The following SGCZ variants were observed in gnomAD, a reference collection of about 807,000 sequenced individuals.
SGCZ encodes zeta-sarcoglycan.
A neutral mutation model predicts 41.3 loss-of-function variants in SGCZ; 40 were observed. That is an observed-to-expected ratio of 0.97 (90% CI 0.75 to 1.26). The LOEUF (loss-of-function observed/expected upper bound fraction) is 1.26. SGCZ is among the 50% of genes most tolerant of loss of function. SGCZ has a pLI of 0.00. For synonymous variants in SGCZ, 206 were observed against 137.5 expected (o/e 1.50, Z -3.49); for missense variants, 552 against 369.8 (o/e 1.49, Z -4.04).
intron 4 of SGCZ, among the ~76,000 whole-genome samples, chr8:14,166,380 A>ATCTT (rs1200184826): frequency 6.6e-6 from 1 of 152,138 alleles, no homozygotes; most frequent in Non-Finnish European, 1.5e-5. Context: ...TCATAGTCTA[A>ATCTT]TCTTATTTTG....
intron 2 of SGCZ, among the ~76,000 whole-genome samples, chr8:14,382,823 G>C (rs1252195326): frequency 6.6e-6 from 1 of 152,154 alleles, no homozygotes; most frequent in African/African-American, 2.4e-5. Flanking sequence ...AGTGGTCTTT[G>C]TCAGAGAACA....
chr8:15,146,830 T>C (rs1799049606), intron 1 of SGCZ, among the ~76,000 whole-genome samples: 1 of 152,176 alleles, frequency 6.6e-6, no homozygotes, highest in Non-Finnish European at 1.5e-5. Context: ...TTTATTAGCA[T>C]CCTAATAAAG....
At chr8:14,653,480 C>G (rs925092274) in intron 1 of SGCZ, among the ~76,000 whole-genome samples, 3 of 152,028 alleles carry the variant, frequency 2.0e-5, no homozygotes, top group African/African-American at 7.3e-5. Context: ...TCAATACACA[C>G]CAAGTCTCAC....
intron 1 of SGCZ, among the ~76,000 whole-genome samples, chr8:15,131,865 C>T (rs1455338999): frequency 2.6e-5 from 4 of 152,114 alleles, no homozygotes; most frequent in Non-Finnish European, 5.9e-5. Flanking sequence ...TGTTTCTCAG[C>T]CTGAAAGGTC....
intron 5 of SGCZ, among the ~76,000 whole-genome samples, chr8:14,161,028 T>C (rs1804029092): frequency 6.6e-6 from 1 of 152,232 alleles, no homozygotes; most frequent in Admixed American, 6.5e-5. Context: ...TTTGAAATTC[T>C]AGAATAAACT....
chr8:15,082,903 T>C (rs1563493117), intron 1 of SGCZ, among the ~76,000 whole-genome samples: 1 of 152,130 alleles, frequency 6.6e-6, no homozygotes, highest in Non-Finnish European at 1.5e-5. Flanking sequence ...AAGGTTCACT[T>C]AGACAGTATT....
intron 1 of SGCZ, among the ~76,000 whole-genome samples, chr8:14,897,580 C>T (rs1805248960): frequency 1.3e-5 from 2 of 152,126 alleles, no homozygotes; most frequent in South Asian, 2.1e-4. Flanking sequence ...AGTGTCAGTG[C>T]CTTTTCTATT....
At chr8:14,577,323 A>T (rs532962146) in intron 1 of SGCZ, among the ~76,000 whole-genome samples, 1 of 151,912 alleles carries the variant, frequency 6.6e-6, no homozygotes, top group African/African-American at 2.4e-5. Flanking sequence ...GATCTTCAAC[A>T]TTATCAAATG....
Position 14,744,552 on chromosome 8 carries a change from C to T in SGCZ, c.40-189626G>A, listed in dbSNP as rs567756368. ...TTATTTAGAAATAAAATCAGTATCTCTGTGGAAGGCTTGTTGGATGGAGAA... is the reference window on the plus strand; with the variant it reads ...TTATTTAGAAATAAAATCAGTATCTTTGTGGAAGGCTTGTTGGATGGAGAA... On this transcript the variant is annotated intron_variant, in intron 1 of 7. Coordinates refer to ENST00000382080, the MANE Select transcript of SGCZ (RefSeq NM_139167.4). Among the ~76,000 whole-genome samples, 4 of 152,212 alleles carry T rather than the reference C, an allele frequency of 2.6e-5. No individual in the cohort carries two copies. The South Asian group carries it at 8.3e-4, about 32-fold the overall frequency.
At chr8:14,695,234 C>T (rs1480301402) in intron 1 of SGCZ, among the ~76,000 whole-genome samples, 2 of 152,012 alleles carry the variant, frequency 1.3e-5, no homozygotes, top group Non-Finnish European at 2.9e-5. Flanking sequence ...GCCATCACAA[C>T]TTATGTATAA....
chr8:15,055,568 G>C (rs1804674653), intron 1 of SGCZ, among the ~76,000 whole-genome samples: 1 of 152,132 alleles, frequency 6.6e-6, no homozygotes, highest in African/African-American at 2.4e-5. Flanking sequence ...CCATTTCCAG[G>C]CAACAGTATG....
intron 1 of SGCZ, among the ~76,000 whole-genome samples, chr8:15,191,557 T>C (rs1418775490): frequency 6.6e-6 from 1 of 151,530 alleles, no homozygotes; most frequent in Non-Finnish European, 1.5e-5. Context: ...AAATAACATA[T>C]CTCCACTAAT....
chr8:15,204,734 T>G (rs1489919792), intron 1 of SGCZ, among the ~76,000 whole-genome samples: 2 of 152,158 alleles, frequency 1.3e-5, no homozygotes, highest in Non-Finnish European at 2.9e-5. Flanking sequence ...CCACATAATA[T>G]TAATCATCTC....
chr8:14,513,053 G>A (rs1056870996), intron 2 of SGCZ, among the ~76,000 whole-genome samples: 7 of 152,120 alleles, frequency 4.6e-5, no homozygotes, highest in Non-Finnish European at 1.0e-4. Context: ...GGCATACATA[G>A]TAAGTCTCAT....
intron 1 of SGCZ, among the ~76,000 whole-genome samples, chr8:14,984,340 A>T (rs1188219940): frequency 6.6e-6 from 1 of 152,218 alleles, no homozygotes; most frequent in Non-Finnish European, 1.5e-5. Flanking sequence ...ACTGTAGCAT[A>T]TCAACAAATC....
At chr8:15,159,987 G>A (rs905717608) in intron 1 of SGCZ, among the ~76,000 whole-genome samples, 1 of 151,838 alleles carries the variant, frequency 6.6e-6, no homozygotes, top group Non-Finnish European at 1.5e-5. Context: ...GCAGCATCAA[G>A]ACCTGATTTT....
intron 3 of SGCZ, among the ~76,000 whole-genome samples, chr8:14,312,255 T>C (rs1465519219): frequency 6.6e-6 from 1 of 152,194 alleles, no homozygotes; most frequent in Non-Finnish European, 1.5e-5. Flanking sequence ...CAAAAAAGAT[T>C]GAAAAACACT....
chr8:14,400,006 C>T (rs557234497), intron 2 of SGCZ, among the ~76,000 whole-genome samples: 4 of 152,114 alleles, frequency 2.6e-5, no homozygotes, highest in East Asian at 1.9e-4. Context: ...TTTCCTCCCC[C>T]GTTAAGCCCC....
At chr8:15,156,931 G>A (rs1328452528) in intron 1 of SGCZ, among the ~76,000 whole-genome samples, 1 of 146,252 alleles carries the variant, frequency 6.8e-6, no homozygotes, top group African/African-American at 2.6e-5. Context: ...GCAACAAGAG[G>A]GAAACTCTGT....
Sources: allele counts gnomAD v4.1 joint callset (sites outside exome capture counted in the v4.1 genomes callset), GRCh38; gene constraint gnomAD v4.1.1; transcripts MANE v1.5; gene names NCBI Gene and HGNC (gene_info 2026-07-23, HGNC 2026-07-21).